The following PDE10A variants were observed in gnomAD, a reference collection of about 807,000 sequenced individuals.
PDE10A encodes cAMP and cAMP-inhibited cGMP 3',5'-cyclic phosphodiesterase 10A.
In PDE10A, 39 loss-of-function variants were observed where a neutral mutation model predicts 97.7. The observed-to-expected ratio is 0.40, with a 90% CI of 0.31 to 0.52. PDE10A has a LOEUF of 0.52. PDE10A is among the 20% of genes least tolerant of loss of function. PDE10A has a pLI of 0.56. For synonymous variants in PDE10A, 371 were observed against 376.8 expected, an observed-to-expected ratio of 0.98 and a Z score of 0.18; for missense variants, 731 against 1,047.8, an observed-to-expected ratio of 0.70 and a Z score of 4.17.
At chr6:165,915,710 G>T (rs1244321967) in intron 1 of PDE10A, among the ~76,000 whole-genome samples, 1 of 152,168 alleles carries the variant, frequency 6.6e-6, no homozygotes, top group Non-Finnish European at 1.5e-5. Context: ...TTTGACCTTG[G>T]TCCAGGGTCC....
chr6:165,543,428 A>G lies in PDE10A; in HGVS notation c.994+12T>C. On this transcript the variant is annotated intron_variant, in intron 2 of 21. Coordinates refer to ENST00000539869, the MANE Select transcript of PDE10A (RefSeq NM_001385079.1). ...AAAGCTGGTTTAAAATGAGATCCACAAGAGACCTTACCTTCTGATTTGTTG... is the reference window on the plus strand; with the variant it reads ...AAAGCTGGTTTAAAATGAGATCCACGAGAGACCTTACCTTCTGATTTGTTG... 2 of 1,608,980 alleles carry G rather than the reference A, an allele frequency of 1.2e-6. No individual in the cohort carries two copies. The highest frequency in any genetic ancestry group is 8.5e-7 in the Non-Finnish European group (1 of 1,178,446).
chr6:165,806,914 C>A (rs773319826), intron 1 of PDE10A, among the ~76,000 whole-genome samples: 1 of 152,108 alleles, frequency 6.6e-6, no homozygotes, highest in Admixed American at 6.5e-5. Context: ...TAACTTATAC[C>A]CTTACCATGT....
intron 18 of PDE10A, among the ~76,000 whole-genome samples, chr6:165,365,772 A>C (rs1783734324): frequency 6.6e-6 from 1 of 152,212 alleles, no homozygotes; most frequent in African/African-American, 2.4e-5. Context: ...ATAGTTTCAC[A>C]AATGAGTAAT....
chr6:165,539,438 C>T (rs1783290427), intron 2 of PDE10A, among the ~76,000 whole-genome samples: 1 of 152,192 alleles, frequency 6.6e-6, no homozygotes, highest in Non-Finnish European at 1.5e-5. Context: ...CTTTCCCTGA[C>T]AGGGAAACTA....
chr6:165,950,267 C>A (rs976752460), intron 1 of PDE10A, among the ~76,000 whole-genome samples: 2 of 152,176 alleles, frequency 1.3e-5, no homozygotes, highest in Non-Finnish European at 2.9e-5. Context: ...AAAGTACAGT[C>A]TTTGTTAAAT....
intron 1 of PDE10A, among the ~76,000 whole-genome samples, chr6:165,750,961 G>C (rs899894743): frequency 6.6e-6 from 1 of 152,190 alleles, no homozygotes; most frequent in Non-Finnish European, 1.5e-5. Flanking sequence ...ACCTTCAGGT[G>C]TAACAGCAGG....
At chr6:165,724,430 G>A (rs1208708499) in intron 1 of PDE10A, among the ~76,000 whole-genome samples, 1 of 152,196 alleles carries the variant, frequency 6.6e-6, no homozygotes, top group Non-Finnish European at 1.5e-5. Flanking sequence ...TCATCATTAT[G>A]ATAGGCCTTC....
intron 18 of PDE10A, among the ~76,000 whole-genome samples, chr6:165,360,808 G>A (rs928487140): frequency 6.6e-6 from 1 of 152,184 alleles, no homozygotes; most frequent in African/African-American, 2.4e-5. Context: ...GAACTTAAGA[G>A]TAGGGTGTGG....
At chr6:165,367,163 C>T (rs1244286185) in intron 18 of PDE10A, among the ~76,000 whole-genome samples, 4 of 151,508 alleles carry the variant, frequency 2.6e-5, no homozygotes, top group African/African-American at 9.7e-5. Context: ...TCAGGAGAAA[C>T]ATAGCAGCTA....
chr6:165,374,550 TAAA>T (rs929632454), intron 18 of PDE10A, among the ~76,000 whole-genome samples: 8 of 151,946 alleles, frequency 5.3e-5, no homozygotes, highest in Non-Finnish European at 8.8e-5. Context: ...TAAACAAACA[TAAA>T]AAAATCTTCA....
At chr6:165,446,681 T>C (rs537552571) in intron 5 of PDE10A, among the ~76,000 whole-genome samples, 4 of 152,308 alleles carry the variant, frequency 2.6e-5, no homozygotes, top group Non-Finnish European at 2.9e-5. Flanking sequence ...AGGAGACTTA[T>C]ATAATGTTGA....
At chr6:165,657,963 G>A (rs960265020) in intron 1 of PDE10A, among the ~76,000 whole-genome samples, 1 of 152,058 alleles carries the variant, frequency 6.6e-6, no homozygotes, top group African/African-American at 2.4e-5. Context: ...AGTCCTTTGG[G>A]GTACCTGTTA....
At chr6:165,544,105 A>T (rs1266701232) in intron 1 of PDE10A, among the ~76,000 whole-genome samples, 1 of 152,226 alleles carries the variant, frequency 6.6e-6, no homozygotes, top group Non-Finnish European at 1.5e-5. Context: ...CTCTAGCAAG[A>T]GTAGTAAACA....
rs1436090022 is a variant in PDE10A, at chr6:165,645,027, G to A, written c.865+16920C>T. ...TAGTAGCAGAAGCCTCTGGCGCTTGGTACCACATCCTCTCAGCCTGCTTCT... is the reference window on the plus strand; with the variant it reads ...TAGTAGCAGAAGCCTCTGGCGCTTGATACCACATCCTCTCAGCCTGCTTCT... On this transcript the variant is annotated intron_variant, in intron 1 of 21. Transcript: ENST00000539869. Among the ~76,000 whole-genome samples, 3 of 152,222 alleles carry A rather than the reference G, an allele frequency of 2.0e-5. No homozygotes were observed. The East Asian group carries it at 5.8e-4, about 29-fold the overall frequency.
intron 1 of PDE10A, among the ~76,000 whole-genome samples, chr6:165,721,204 G>C (rs889017086): frequency 2.0e-5 from 3 of 152,212 alleles, no homozygotes; most frequent in African/African-American, 7.2e-5. Context: ...GTGTGGCACA[G>C]GGTTTTCTTG....
intron 11 of PDE10A, among the ~76,000 whole-genome samples, chr6:165,417,503 A>G (rs1202937477): frequency 6.6e-6 from 1 of 152,216 alleles, no homozygotes; most frequent in Non-Finnish European, 1.5e-5. Context: ...TTATAAACAC[A>G]GGCTTTAAAG....
chr6:165,665,574 C>T (rs1438406202), upstream of PDE10A, among the ~76,000 whole-genome samples: 2 of 152,058 alleles, frequency 1.3e-5, no homozygotes, highest in Non-Finnish European at 2.9e-5. Flanking sequence ...CTTAAGCATA[C>T]TGTCATTATT....
At chr6:165,700,298 G>A (rs1264309071) in intron 1 of PDE10A, among the ~76,000 whole-genome samples, 11 of 152,028 alleles carry the variant, frequency 7.2e-5, no homozygotes, top group Non-Finnish European at 1.5e-4. Flanking sequence ...GGAAGGGGAT[G>A]GGGTAGGGGG....
Position 165,581,078 on chromosome 6 carries a change from T to C in PDE10A, c.866-37510A>G, listed in dbSNP as rs370373795. The stretch of plus-strand genomic sequence containing the variant: ...ATTAATTTCCTTTTTAGATCCATTA[T>C]GGTGACACCATGGAGAAAATAAGAG... On this transcript the variant is annotated intron_variant, in intron 1 of 21. Transcript: ENST00000539869. Among the ~76,000 whole-genome samples the C allele has an allele frequency of 3.9e-5, 6 of 152,364 alleles. 1 individual carries two copies. Among genetic ancestry groups the C allele is most frequent in the Middle Eastern group, 3.4e-3 (1 of 294 alleles).
Sources: gnomAD v4.1 joint callset for allele counts (sites outside exome capture counted in the v4.1 genomes callset) on GRCh38, gnomAD v4.1.1 for gene constraint, MANE v1.5 for transcripts, NCBI Gene and HGNC (gene_info 2026-07-23, HGNC 2026-07-21) for gene names.